LIG1: variants seen among roughly 807,000 people sequenced by gnomAD.
The protein encoded by LIG1 is DNA ligase 1, also known as ligase I, DNA, ATP-dependent.
A neutral mutation model predicts 115.7 loss-of-function variants in LIG1; 70 were observed. That is an observed-to-expected ratio of 0.60 (90% CI 0.50 to 0.74). The LOEUF (loss-of-function observed/expected upper bound fraction) is 0.74, where lower values mean the gene tolerates loss of function less well. Ranked by LOEUF, LIG1 falls within the 30% of genes least tolerant of loss-of-function variation. The pLI is 0.00. For synonymous variants in LIG1, 487 were observed against 495.3 expected (o/e 0.98, Z 0.22); for missense variants, 1,115 against 1,225.6 (o/e 0.91, Z 1.35).
At chr19:48,161,682 A>C (rs928435834) in intron 3 of LIG1, among the ~76,000 whole-genome samples, 175 bp from the exon 4 acceptor site, 6 of 152,114 alleles carry the variant, frequency 3.9e-5, no homozygotes, top group African/African-American at 1.4e-4. Context: ...CAGTGCATTA[A>C]TCCACCCGCC....
Position 48,150,203 on chromosome 19 carries a change from C to G in LIG1, c.582G>C (p.Glu194Asp), listed in dbSNP as rs1279054547. The part of the protein sequence containing the change: ...PPKPLKTSKA[E>D]TPTESVSEPE... ...GCTCTGAAACGCTTTCCGTCGGGGT[C>G]TCTGCTTCTGCGGTGAGAGAGCTCA... The change falls in exon 8 of 28, where the codon GAG becomes GAC. Residue 194 changes from glutamate (E) to aspartate (D), a missense_variant. Physicochemically the swap from Glu to Asp is conservative, Grantham distance 45 (BLOSUM62 2). Coordinates refer to ENST00000263274, the MANE Select transcript of LIG1 (RefSeq NM_000234.3). The G allele has an allele frequency of 6.2e-7, 1 of 1,614,184 alleles. No individual in the cohort carries two copies. The highest frequency in any genetic ancestry group is 8.5e-7 in the Non-Finnish European group (1 of 1,180,036).
intron 26 of LIG1, 167 bp from the exon 27 acceptor site, chr19:48,116,132 A>C: frequency 1.5e-6 from 1 of 647,810 alleles, no homozygotes; most frequent in Non-Finnish European, 2.8e-6. Context: ...GTACCCGGGC[A>C]CAGTAAGTGC....
chr19:48,135,779 T>G lies in LIG1; in HGVS notation c.1424A>C (p.Glu475Ala). 6.2e-7 allele frequency: 1 copy of G among 1,613,698 alleles called. No homozygotes were observed. The highest frequency in any genetic ancestry group is 1.1e-5 in the South Asian group (1 of 91,082). Reference protein sequence around the residue: ...QAVSLTPPGQEFPPAMVDAGK... With the variant: ...QAVSLTPPGQAFPPAMVDAGK... Reference sequence around the variant, plus strand: ...AGCATCCACCATGGCTGGTGGGAATTCTAAGAAAAGACCCACCAGAGGCTT... The same window carrying G: ...AGCATCCACCATGGCTGGTGGGAATGCTAAGAAAAGACCCACCAGAGGCTT... The change falls in exon 16 of 28, where the codon GAA (glutamate) becomes GCA (alanine). Residue 475 changes from glutamate to alanine, a missense_variant and splice_region_variant. Glu to Ala is a moderately radical substitution (Grantham distance 107). Transcript: ENST00000263274.
chr19:48,119,183 GT>G lies in LIG1; in HGVS notation c.2392del (p.Thr798LeufsTer29). The G allele has an allele frequency of 6.3e-7, 1 of 1,584,698 alleles. No homozygotes were observed. The highest frequency in any genetic ancestry group is 8.6e-7 in the Non-Finnish European group (1 of 1,165,520). On this transcript the variant is annotated frameshift_variant, in exon 25 of 28. Transcript: ENST00000263274. LOFTEE classifies it high-confidence loss of function. Reference protein sequence around the residue: ...EELQAICKLGTGFSDEELEEH... With the variant: ...EELQAICKLGXGFSDEELEEH... ...CTCCAGCTCCTCATCACTGAAGCCA[GT>G]TCCAAGCTGCAGGGAGGAAGCGGGA... is the stretch of plus-strand genomic sequence containing the variant.
intron 1 of LIG1, among the ~76,000 whole-genome samples, chr19:48,168,610 A>G (rs754591951): frequency 2.0e-5 from 3 of 152,128 alleles, no homozygotes; most frequent in Admixed American, 6.5e-5. Context: ...CACTAACTGT[A>G]ATGAGAGAAG....
At chr19:48,129,535 T>G (rs1324252033) in intron 19 of LIG1, among the ~76,000 whole-genome samples, 2 of 152,190 alleles carry the variant, frequency 1.3e-5, no homozygotes, top group African/African-American at 2.4e-5. Flanking sequence ...GCATGGGGCC[T>G]AGCTCGGAGC....
At position 48,150,316 on chromosome 19, in the gene LIG1, T is replaced by A; in HGVS notation, c.575-106A>T. Reference sequence around the variant, plus strand: ...ATTCTGACCCTGCAGATGGAAGATATAACTACACCTACCCTTTTCCTTTCT... The same window carrying A: ...ATTCTGACCCTGCAGATGGAAGATAAAACTACACCTACCCTTTTCCTTTCT... On this transcript the variant is annotated intron_variant, in intron 7 of 27. Transcript: ENST00000263274. 3 of 1,498,658 alleles carry A rather than the reference T, an allele frequency of 2.0e-6. No individual in the cohort carries two copies. The East Asian group carries it at 6.8e-5, about 34-fold the overall frequency. The allele number at this position is 1,498,658 out of a possible 1,614,324, so 92.8% of individuals were successfully genotyped here.
chr19:48,120,964 C>G, intron 24 of LIG1: 4 of 1,451,044 alleles, frequency 2.8e-6, no homozygotes, highest in Non-Finnish European at 3.6e-6. Flanking sequence ...GACACACATT[C>G]CTGACATCTT....
intron 11 of LIG1, among the ~76,000 whole-genome samples, chr19:48,141,017 A>G (rs10409171): frequency 0.15 from 22,346 of 152,210 alleles, 2,701 homozygotes; most frequent in African/African-American, 0.34. Flanking sequence ...AACCCACCGG[A>G]CGGTTACAGT....
chr19:48,133,757 G>A (rs1042881363), intron 17 of LIG1, among the ~76,000 whole-genome samples: 11 of 152,090 alleles, frequency 7.2e-5, no homozygotes, highest in South Asian at 2.1e-4. Flanking sequence ...CACCACGCCC[G>A]GCTCCTGTTT....
intron 12 of LIG1, among the ~76,000 whole-genome samples, chr19:48,138,794 T>C (rs1275297359): frequency 6.6e-6 from 1 of 152,190 alleles, no homozygotes; most frequent in African/African-American, 2.4e-5. Context: ...GCCAATGTAG[T>C]TGGGTTTTCT....
At chr19:48,149,096 G>T (rs903566583) in intron 9 of LIG1, among the ~76,000 whole-genome samples, 14 of 152,210 alleles carry the variant, frequency 9.2e-5, no homozygotes, top group Non-Finnish European at 1.9e-4. Context: ...GGTCACCTGA[G>T]GCTAGGAGTT....
intron 16 of LIG1, 52 bp downstream of exon 16, chr19:48,135,628 C>T: frequency 7.0e-7 from 1 of 1,438,608 alleles, no homozygotes; most frequent in Non-Finnish European, 9.8e-7. Context: ...CACCCCCACC[C>T]TGGCACTCTG....
intron 20 of LIG1, 65 bp from the exon 21 acceptor site, chr19:48,127,413 C>T (rs1487379043): frequency 1.5e-5 from 21 of 1,413,438 alleles, no homozygotes; most frequent in South Asian, 1.0e-4. Flanking sequence ...TGCCTGAGGC[C>T]GACAGCATTC....
chr19:48,127,966 C>G lies in LIG1; in HGVS notation c.1876G>C (p.Asp626His). Residue 626 changes from aspartate (D) to histidine (H), a missense_variant, in exon 20 of 28, where the codon GAC becomes CAC. Physicochemically the swap from Asp to His is moderately conservative, Grantham distance 81 (BLOSUM62 -1). Coordinates refer to ENST00000263274, the MANE Select transcript of LIG1 (RefSeq NM_000234.3). ...FILDTEAVAW[D>H]REKKQIQPFQ... is the part of the protein sequence containing the mutation. ...GGCTGGATCTGCTTCTTTTCCCGGT[C>G]CCAAGCCACGGCTTCGGTGTCCAGG... is the stretch of plus-strand genomic sequence containing the variant. 6.2e-7 allele frequency: 1 copy of G among 1,614,128 alleles called. No individual in the cohort carries two copies. The highest frequency in any genetic ancestry group is 8.5e-7 in the Non-Finnish European group (1 of 1,180,024).
intron 19 of LIG1, among the ~76,000 whole-genome samples, chr19:48,129,816 C>T (rs751877727): frequency 9.2e-5 from 14 of 152,120 alleles, no homozygotes; most frequent in Middle Eastern, 3.2e-3. Context: ...AGTACAGTGG[C>T]CCGATCTCAG....
intron 25 of LIG1, 103 bp downstream of exon 25, chr19:48,119,034 G>A (rs909370681): frequency 3.2e-6 from 3 of 931,014 alleles, no homozygotes; most frequent in East Asian, 5.3e-5. Flanking sequence ...CCCACACCTG[G>A]AGCCCCAAGA....
At chr19:48,161,632 T>C in intron 3 of LIG1, 125 bp from the exon 4 acceptor site, 1 of 1,178,932 alleles carries the variant, frequency 8.5e-7, no homozygotes, top group South Asian at 1.3e-5. Flanking sequence ...AATGAACATT[T>C]TCTGGTTGTC....
At chr19:48,126,992 T>C (rs1237295150) in intron 21 of LIG1, 9 of 455,674 alleles carry the variant, frequency 2.0e-5, no homozygotes, top group African/African-American at 1.8e-4. Flanking sequence ...GAGGCTGGAT[T>C]CTCCTGCGTG....
Sources: gnomAD v4.1 joint callset for allele counts (sites outside exome capture counted in the v4.1 genomes callset) on GRCh38, gnomAD v4.1.1 for gene constraint, MANE v1.5 for transcripts, NCBI Gene and HGNC (gene_info 2026-07-23, HGNC 2026-07-21) for gene names.